The following C1orf146 variants were observed in gnomAD, a reference collection of about 807,000 sequenced individuals.
The protein encoded by C1orf146 is chromosome 1 open reading frame 146.
In C1orf146, 22 loss-of-function variants were observed where a neutral mutation model predicts 23.0. The observed-to-expected ratio is 0.96, with a 90% CI of 0.68 to 1.36. The LOEUF (loss-of-function observed/expected upper bound fraction) is 1.36, where lower values mean the gene tolerates loss of function less well. C1orf146 is among the 40% of genes most tolerant of loss of function. The pLI is 0.00. For synonymous variants in C1orf146, 59 were observed against 65.3 expected, an observed-to-expected ratio of 0.90 and a Z score of 0.47; for missense variants, 199 against 206.8, an observed-to-expected ratio of 0.96 and a Z score of 0.23.
chr1:92,232,558 C>T (rs533595241), intron 2 of C1orf146, among the ~76,000 whole-genome samples: 5 of 152,108 alleles, frequency 3.3e-5, no homozygotes, highest in Non-Finnish European at 5.9e-5. Context: ...TGAATAGTGC[C>T]GCAGTAAACA....
At chr1:92,224,585 T>C (rs1318850083) in intron 1 of C1orf146, among the ~76,000 whole-genome samples, 1 of 152,240 alleles carries the variant, frequency 6.6e-6, no homozygotes, top group Non-Finnish European at 1.5e-5. Flanking sequence ...TAAAACATAC[T>C]GATGTTGAAT....
intron 1 of C1orf146, among the ~76,000 whole-genome samples, chr1:92,222,675 C>T (rs1651859618): frequency 6.6e-6 from 1 of 151,162 alleles, no homozygotes; most frequent in Admixed American, 6.6e-5. Flanking sequence ...CAAGCTCTGC[C>T]TCCCGGGTTC....
chr1:92,218,804 T>TA (rs1307757007), intron 1 of C1orf146, among the ~76,000 whole-genome samples: 1 of 152,086 alleles, frequency 6.6e-6, no homozygotes, highest in Non-Finnish European at 1.5e-5. Flanking sequence ...GGATGCAGCC[T>TA]AACCAGAGGT....
intron 2 of C1orf146, 36 bp from the exon 3 acceptor site, chr1:92,242,176 G>A: frequency 3.4e-6 from 4 of 1,189,620 alleles, no homozygotes; most frequent in Non-Finnish European, 4.9e-6. Flanking sequence ...TTGTAAGCAT[G>A]CCTTAAATTT....
In C1orf146 at chr1:92,218,315, C is replaced by T. The variant is rs150392523; in HGVS notation, c.-40+267C>T. The stretch of plus-strand genomic sequence containing the variant: ...TATTTGCTTTAGGCTTTGTTGGTCA[C>T]TCCGAAAAGTAAAGAATGGAAGAGA... On this transcript the variant is annotated intron_variant, in intron 1 of 5. Transcript: ENST00000370375. 7.8e-3 allele frequency among the ~76,000 whole-genome samples: 1,185 copies of T among 152,188 alleles called. 6 individuals carry two copies. Among genetic ancestry groups the T allele is most frequent in the Non-Finnish European group, 0.012 (794 of 68,028 alleles).
chr1:92,245,805 A>AT lies in C1orf146; in HGVS notation c.*135dup. On this transcript the variant is annotated 3_prime_UTR_variant, in exon 6 of 6. Coordinates refer to ENST00000370375, the MANE Select transcript of C1orf146 (RefSeq NM_001012425.2). ...AACATATACAATTAAAAGTGATTTT[A>AT]TTTTAGGAGTTTCGCTGCAAGATTT... 1.7e-6 allele frequency: 1 copy of AT among 601,830 alleles called. No homozygotes were observed. The highest frequency in any genetic ancestry group is 3.5e-5 in the East Asian group (1 of 28,866). 37.3% of individuals were successfully genotyped at this position (601,830 alleles called of 1,614,324 possible).
intron 2 of C1orf146, among the ~76,000 whole-genome samples, chr1:92,231,957 A>C (rs1167727209): frequency 1.3e-5 from 2 of 152,062 alleles, no homozygotes; most frequent in Non-Finnish European, 2.9e-5. Context: ...AGCTCACAAG[A>C]CTTCTCCATT....
intron 2 of C1orf146, among the ~76,000 whole-genome samples, chr1:92,231,902 ATGCCTGAGAGC>A (rs1652131413): frequency 6.6e-6 from 1 of 152,130 alleles, no homozygotes; most frequent in Admixed American, 6.5e-5. Context: ...GGAAAGTTGA[ATGCCTGAGAGC>A]AGGTGGTCAG....
At chr1:92,232,141 G>A (rs1009255823) in intron 2 of C1orf146, among the ~76,000 whole-genome samples, 1 of 115,082 alleles carries the variant, frequency 8.7e-6, no homozygotes, top group African/African-American at 3.1e-5. Context: ...TAAGTTTTAG[G>A]GTACATGTGC....
intron 1 of C1orf146, among the ~76,000 whole-genome samples, chr1:92,222,406 C>T (rs1651843992): frequency 6.6e-6 from 1 of 151,664 alleles, no homozygotes; most frequent in Non-Finnish European, 1.5e-5. Context: ...CATATGTATG[C>T]TGTGATGTTT....
In C1orf146 at chr1:92,224,202, C is replaced by G. The variant is rs369348805; in HGVS notation, c.-40+6154C>G. 3.7e-4 allele frequency among the ~76,000 whole-genome samples: 56 copies of G among 151,998 alleles called. 2 individuals are homozygous for G. The South Asian group carries it at 0.011, about 31-fold the overall frequency. ...AGGAGCTGGGACTACAGGCGCCCAC[C>G]ACCACACCTGGCTAATTTTTTGTAT... is the stretch of plus-strand genomic sequence containing the variant. On this transcript the variant is annotated intron_variant, in intron 1 of 5. Coordinates refer to ENST00000370375, the MANE Select transcript of C1orf146 (RefSeq NM_001012425.2).
intron 2 of C1orf146, among the ~76,000 whole-genome samples, chr1:92,235,657 G>C (rs992187965): frequency 1.3e-5 from 2 of 151,578 alleles, no homozygotes; most frequent in African/African-American, 4.9e-5. Context: ...TCAATTCCTG[G>C]GTATCCTTGT....
intron 1 of C1orf146, 50 bp from the exon 2 acceptor site, chr1:92,231,332 C>G: frequency 6.1e-6 from 5 of 822,820 alleles, no homozygotes; most frequent in Non-Finnish European, 9.8e-6. Flanking sequence ...CTTTAATTTA[C>G]TCATTCATCA....
chr1:92,237,994 G>T (rs1007150359), intron 2 of C1orf146, among the ~76,000 whole-genome samples: 5 of 152,144 alleles, frequency 3.3e-5, no homozygotes, highest in Admixed American at 3.3e-4. Flanking sequence ...CAGTGGCACA[G>T]TCTTGGCTCA....
chr1:92,231,673 ACTTC>A (rs1369698715), intron 2 of C1orf146, among the ~76,000 whole-genome samples, 187 bp downstream of exon 2: 4 of 151,826 alleles, frequency 2.6e-5, no homozygotes, highest in Non-Finnish European at 5.9e-5. Flanking sequence ...TCAACATCCG[ACTTC>A]CTTAATTCTT....
At chr1:92,243,426 A>C (rs1399305420) in intron 3 of C1orf146, among the ~76,000 whole-genome samples, 1 of 150,492 alleles carries the variant, frequency 6.6e-6, no homozygotes, top group Non-Finnish European at 1.5e-5. Flanking sequence ...AGCTCACTGC[A>C]AGCTCCGCCT....
chr1:92,244,935 G>T, intron 5 of C1orf146, 78 bp downstream of exon 5: 1 of 819,250 alleles, frequency 1.2e-6, no homozygotes, highest in South Asian at 1.9e-5. Context: ...CCTTTTGAGC[G>T]AGACTGGCAA....
At position 92,242,240 on chromosome 1, in the gene C1orf146, A is replaced by G. The variant is rs1274575449; in HGVS notation, c.95A>G (p.Asn32Ser). ...KSYEVATALE[N>S]RSHKVRYSDS... ...TATGAAGTTGCAACTGCCCTAGAAA[A>G]TCGAAGCCACAAAGTTCGATATTCA... The change falls in exon 3 of 6, where the codon AAT becomes AGT. Residue 32 changes from asparagine (N) to serine (S), a missense_variant. Coordinates refer to ENST00000370375, the MANE Select transcript of C1orf146 (RefSeq NM_001012425.2). 7 of 1,601,074 alleles carry G rather than the reference A, an allele frequency of 4.4e-6. No homozygotes were observed. The highest frequency in any genetic ancestry group is 2.7e-5 in the African/African-American group (2 of 74,554).
At chr1:92,235,563 G>T (rs1652253803) in intron 2 of C1orf146, among the ~76,000 whole-genome samples, 1 of 152,204 alleles carries the variant, frequency 6.6e-6, no homozygotes, top group Admixed American at 6.5e-5. Context: ...GTGTGGTGTG[G>T]TGCTGAAGAA....
Sources: gnomAD v4.1 joint callset for allele counts (sites outside exome capture counted in the v4.1 genomes callset) on GRCh38, gnomAD v4.1.1 for gene constraint, MANE v1.5 for transcripts, NCBI Gene and HGNC (gene_info 2026-07-23, HGNC 2026-07-21) for gene names.